The following ELFN1 variants were observed in gnomAD, a reference collection of about 807,000 sequenced individuals.
ELFN1 encodes the protein extracellular leucine rich repeat and fibronectin type III domain containing 1.
Under a neutral mutation model 7.6 loss-of-function variants are expected in ELFN1, and 6 were observed. That is an observed-to-expected ratio of 0.79 (90% CI 0.43 to 1.56). The LOEUF (loss-of-function observed/expected upper bound fraction) is 1.56, where lower values mean the gene tolerates loss of function less well. ELFN1 is among the 40% of genes most tolerant of loss of function. ELFN1 has a pLI of 0.01. For missense variants in ELFN1, 1,169 were observed against 1,232.2 expected (o/e 0.95, Z 0.77); for synonymous variants, 657 against 588.1 (o/e 1.12, Z -1.70).
At chr7:1,706,598 G>A (rs985779980) in intron 2 of ELFN1, among the ~76,000 whole-genome samples, 1 of 152,244 alleles carries the variant, frequency 6.6e-6, no homozygotes, top group African/African-American at 2.4e-5. Context: ...GCTGCTGTGT[G>A]TTAGATCACC....
At chr7:1,683,335 T>G (rs558274231) in intron 1 of ELFN1, among the ~76,000 whole-genome samples, 10 of 152,336 alleles carry the variant, frequency 6.6e-5, no homozygotes, top group Non-Finnish European at 1.2e-4. Flanking sequence ...TAGTTTAGTT[T>G]TTTTTGTTTT....
rs1780762070 is a variant in ELFN1, at chr7:1,745,765, A to G, written c.1169A>G (p.His390Arg). 2 of 1,552,890 alleles carry G rather than the reference A, an allele frequency of 1.3e-6. No homozygotes were observed. Among genetic ancestry groups the G allele is most frequent in the South Asian group, 1.2e-5 (1 of 84,214 alleles). ...CVVSTSAGLR[H>R]NHTCLTICLP... ...GTGTCCACCAGCGCCGGGCTGCGCC[A>G]CAACCACACCTGCCTCACCATCTGC... Residue 390 changes from histidine to arginine, a missense_variant, in exon 4 of 4, where the codon CAC becomes CGC. His to Arg is a conservative substitution (Grantham distance 29, BLOSUM62 0). Transcript: ENST00000424383.
chr7:1,712,788 A>G (rs546300113), intron 3 of ELFN1, among the ~76,000 whole-genome samples: 19 of 152,328 alleles, frequency 1.2e-4, no homozygotes, highest in Non-Finnish European at 2.2e-4. Context: ...TGGATGTGAA[A>G]TGCTGGGCAA....
intron 3 of ELFN1, among the ~76,000 whole-genome samples, chr7:1,732,666 G>A (rs1216918002): frequency 6.6e-6 from 1 of 152,152 alleles, no homozygotes; most frequent in African/African-American, 2.4e-5. Flanking sequence ...TCCTGTCTCA[G>A]GATGGCATGG....
chr7:1,667,661 T>C (rs1052894341), upstream of ELFN1, among the ~76,000 whole-genome samples: 1 of 152,038 alleles, frequency 6.6e-6, no homozygotes, highest in African/African-American at 2.4e-5. The surrounding 1 kb of genome is among the most constrained non-coding windows in gnomAD (Gnocchi z 8.2). Context: ...TCAGGCAGCG[T>C]GGGGATCTTT....
chr7:1,687,734 A>T (rs1779084619), intron 1 of ELFN1, among the ~76,000 whole-genome samples: 1 of 152,172 alleles, frequency 6.6e-6, no homozygotes, highest in Non-Finnish European at 1.5e-5. Flanking sequence ...CTAAATGTTA[A>T]ATCTAAAACA....
chr7:1,741,460 AG>A (rs1780611743), intron 3 of ELFN1, among the ~76,000 whole-genome samples: 1 of 152,152 alleles, frequency 6.6e-6, no homozygotes, highest in African/African-American at 2.4e-5. Context: ...CTCATCACAC[AG>A]GCTCCCCAGC....
chr7:1,700,528 G>A (rs1779404870), intron 2 of ELFN1, among the ~76,000 whole-genome samples: 1 of 152,222 alleles, frequency 6.6e-6, no homozygotes, highest in African/African-American at 2.4e-5. Flanking sequence ...ATTGTGCTTG[G>A]TGCTGGTTCA....
At chr7:1,687,857 C>A (rs1334009923) in intron 1 of ELFN1, among the ~76,000 whole-genome samples, 1 of 151,700 alleles carries the variant, frequency 6.6e-6, no homozygotes, top group Non-Finnish European at 1.5e-5. Context: ...TTTTTTGTGA[C>A]CTATCTGTTT....
chr7:1,681,936 T>C (rs1255197350), intron 1 of ELFN1, among the ~76,000 whole-genome samples: 1 of 152,252 alleles, frequency 6.6e-6, no homozygotes, highest in East Asian at 1.9e-4. Context: ...CCATATTTAA[T>C]GGATTTGTCT....
intron 1 of ELFN1, among the ~76,000 whole-genome samples, chr7:1,678,169 A>C: frequency 6.6e-6 from 1 of 152,220 alleles, no homozygotes; most frequent in East Asian, 1.9e-4. Context: ...CACCATGCAC[A>C]GTGTGTGTGC....
upstream of ELFN1, among the ~76,000 whole-genome samples, chr7:1,666,894 G>T (rs1449945909): frequency 6.6e-6 from 1 of 151,776 alleles, no homozygotes; most frequent in Non-Finnish European, 1.5e-5. The surrounding 1 kb of genome is among the most constrained non-coding windows in gnomAD (Gnocchi z 7.9). Flanking sequence ...TCTGCCGACC[G>T]CTGCGGAGCT....
chr7:1,741,990 A>G (rs1780632298), intron 3 of ELFN1, among the ~76,000 whole-genome samples: 1 of 152,194 alleles, frequency 6.6e-6, no homozygotes, highest in Non-Finnish European at 1.5e-5. Flanking sequence ...ACAACCTGGC[A>G]CACACATACG....
At chr7:1,737,419 G>A (rs903436270) in intron 3 of ELFN1, among the ~76,000 whole-genome samples, 1 of 152,192 alleles carries the variant, frequency 6.6e-6, no homozygotes, top group African/African-American at 2.4e-5. Context: ...GCTGGCCCCT[G>A]GCTCTGAATC....
chr7:1,715,897 C>T (rs942325299), intron 3 of ELFN1, among the ~76,000 whole-genome samples: 1 of 152,192 alleles, frequency 6.6e-6, no homozygotes, highest in Non-Finnish European at 1.5e-5. Context: ...GGCCTCCTCC[C>T]TTCATAGACC....
chr7:1,704,633 C>T (rs1461601153), intron 2 of ELFN1, among the ~76,000 whole-genome samples: 1 of 152,092 alleles, frequency 6.6e-6, no homozygotes, highest in African/African-American at 2.4e-5. Flanking sequence ...GGTACGCAGT[C>T]AGATCACCCA....
chr7:1,700,546 C>A (rs553418951), intron 2 of ELFN1, among the ~76,000 whole-genome samples: 1 of 152,364 alleles, frequency 6.6e-6, no homozygotes, highest in African/African-American at 2.4e-5. Context: ...TCATTCTCAT[C>A]ACTGAAGCGT....
chr7:1,676,010 C>G (rs896360671), intron 1 of ELFN1, among the ~76,000 whole-genome samples: 1 of 152,152 alleles, frequency 6.6e-6, no homozygotes, highest in African/African-American at 2.4e-5. Flanking sequence ...CTGGCCCCCG[C>G]ACTGGTCAGA....
chr7:1,698,029 A>T (rs369011181), intron 2 of ELFN1, among the ~76,000 whole-genome samples: 17 of 152,280 alleles, frequency 1.1e-4, no homozygotes, highest in South Asian at 1.0e-3. Context: ...AAGACATCAG[A>T]CTTTCTTTTC....
Sources: allele counts gnomAD v4.1 joint callset (sites outside exome capture counted in the v4.1 genomes callset), GRCh38; gene constraint gnomAD v4.1.1; non-coding constraint Gnocchi (gnomAD v3.1); transcripts MANE v1.5; gene names NCBI Gene and HGNC (gene_info 2026-07-23, HGNC 2026-07-21).